Variants in NCKIPSD observed in about 807,000 individuals in gnomAD.
NCKIPSD encodes NCK interacting protein with SH3 domain.
NCKIPSD carries 48 observed loss-of-function variants against 73.4 expected under a neutral mutation model. The observed-to-expected ratio is 0.65, with a 90% CI of 0.52 to 0.83. The LOEUF (loss-of-function observed/expected upper bound fraction) is 0.83, where lower values mean the gene tolerates loss of function less well. Ranked by LOEUF, NCKIPSD falls within the 40% of genes least tolerant of loss-of-function variation. The probability of loss-of-function intolerance (pLI) is 0.00; values close to 1 mark genes in which losing one functional copy is unlikely to be tolerated. For missense variants in NCKIPSD, 884 were observed against 970.2 expected, an observed-to-expected ratio of 0.91 and a Z score of 1.18; for synonymous variants, 422 against 403.6, an observed-to-expected ratio of 1.05 and a Z score of -0.54.
At chr3:48,681,174 A>C in intron 5 of NCKIPSD, 113 bp downstream of exon 5, 1 of 1,439,038 alleles carries the variant, frequency 6.9e-7, no homozygotes. Flanking sequence ...CCAGCACAGT[A>C]AGAGCTCAGA....
Position 48,678,630 on chromosome 3 carries a change from G to C in NCKIPSD, c.1899C>G (p.His633Gln). The C allele has an allele frequency of 6.2e-6, 10 of 1,614,254 alleles. No homozygotes were observed. The highest frequency in any genetic ancestry group is 7.6e-6 in the Non-Finnish European group (9 of 1,180,044). Residue 633 changes from histidine (H) to glutamine (Q), a missense_variant, in exon 12 of 13, where the codon CAC becomes CAG. His to Gln is a conservative substitution (Grantham distance 24). Transcript: ENST00000294129. ...TGTCAATGAGAGCCATCATGTCTGT[G>C]TGGTAGAAGATGGCAGCTGTGGCCG... The part of the protein sequence containing the change: ...GSPATAAIFY[H>Q]TDMMALIDIT...
chr3:48,674,935 G>T (rs928874477), intron 12 of NCKIPSD, among the ~76,000 whole-genome samples, 188 bp from the exon 13 acceptor site: 1 of 152,088 alleles, frequency 6.6e-6, no homozygotes, highest in East Asian at 1.9e-4. Flanking sequence ...GCGAATAAAC[G>T]AATCATCCCA....
chr3:48,681,738 C>T lies in NCKIPSD; in HGVS notation c.641G>A (p.Ser214Asn). 5.9e-6 allele frequency: 9 copies of T among 1,534,354 alleles called. No homozygotes were observed. The highest frequency in any genetic ancestry group is 7.0e-6 in the Non-Finnish European group (8 of 1,141,712). Residue 214 changes from serine (S) to asparagine (N), a missense_variant, in exon 5 of 13, where the codon AGC becomes AAC. By Grantham distance (46) the Ser-to-Asn change is conservative. Transcript: ENST00000294129. ...TMPSGGNSVS[S>N]GSSVSSTSLD... ...GGAGGTGCTGCTGACTGAGGAGCCG[C>T]TGGACACAGAGTTACCCCCGGAGGG...
At chr3:48,675,809 G>GT (rs2077249642) in intron 12 of NCKIPSD, among the ~76,000 whole-genome samples, 1 of 151,844 alleles carries the variant, frequency 6.6e-6, no homozygotes. Flanking sequence ...GCCTCCCAAA[G>GT]TGCTGGGATT....
intron 12 of NCKIPSD, among the ~76,000 whole-genome samples, chr3:48,675,950 G>T (rs917398488): frequency 2.6e-5 from 4 of 152,118 alleles, no homozygotes; most frequent in Admixed American, 6.5e-5. Flanking sequence ...TTTAATTAGA[G>T]AAATAATACC....
At position 48,679,369 on chromosome 3, in the gene NCKIPSD, A is replaced by G. The variant is rs949468904; in HGVS notation, c.1570+8T>C. ...CTGTGATCAGCTGGTCGGTTACTGC[A>G]TTCTTACCATAGTGTGCATAGGGCA... On this transcript the variant is annotated splice_region_variant and intron_variant, in intron 9 of 12. Transcript: ENST00000294129. 2 of 1,614,014 alleles carry G rather than the reference A, an allele frequency of 1.2e-6. No homozygotes were observed. Among genetic ancestry groups the G allele is most frequent in the African/African-American group, 2.7e-5 (2 of 74,908 alleles).
intron 1 of NCKIPSD, among the ~76,000 whole-genome samples, chr3:48,683,663 G>A (rs1411126990): frequency 6.6e-6 from 1 of 152,158 alleles, no homozygotes; most frequent in Non-Finnish European, 1.5e-5. Flanking sequence ...TGAGAGAGGG[G>A]CCTAGCCCCT....
In NCKIPSD at chr3:48,674,435, T is replaced by C. The variant is rs1271097530; in HGVS notation, c.*109A>G. 6.7e-7 allele frequency: 1 copy of C among 1,483,656 alleles called. No individual in the cohort carries two copies. The highest frequency in any genetic ancestry group is 1.4e-5 in the African/African-American group (1 of 71,988). The allele number at this position is 1,483,656 out of a possible 1,614,324, so 91.9% of individuals were successfully genotyped here. A position where few individuals can be genotyped will look rare whatever the true frequency, so the allele number is the denominator to read the frequency against. Reference sequence around the variant, plus strand: ...CAGGTGGGGGTCCTGCTCAGGTTCCTTCTGCCACCTTATCCCCTCCCACTG... The same window carrying C: ...CAGGTGGGGGTCCTGCTCAGGTTCCCTCTGCCACCTTATCCCCTCCCACTG... On this transcript the variant is annotated 3_prime_UTR_variant, in exon 13 of 13. Coordinates refer to ENST00000294129, the MANE Select transcript of NCKIPSD (RefSeq NM_016453.4).
intron 12 of NCKIPSD, among the ~76,000 whole-genome samples, chr3:48,676,199 T>G (rs993037833): frequency 1.3e-5 from 2 of 152,200 alleles, no homozygotes; most frequent in African/African-American, 4.8e-5. Flanking sequence ...TTCTCTGTCT[T>G]TGAAACCTAC....
chr3:48,682,585 T>C, intron 2 of NCKIPSD, 33 bp from the exon 3 acceptor site: 1 of 1,607,648 alleles, frequency 6.2e-7, no homozygotes, highest in Non-Finnish European at 8.5e-7. Flanking sequence ...ATTGGGGGGT[T>C]GCATCTCACA....
At chr3:48,679,287 C>T (rs1014770663) in intron 9 of NCKIPSD, 90 bp downstream of exon 9, 1 of 1,611,648 alleles carries the variant, frequency 6.2e-7, no homozygotes, top group African/African-American at 1.3e-5. Flanking sequence ...CCTCTCCCTG[C>T]TAGGCTGTGT....
chr3:48,675,834 C>T (rs1482106862), intron 12 of NCKIPSD, among the ~76,000 whole-genome samples: 1 of 152,058 alleles, frequency 6.6e-6, no homozygotes, highest in Non-Finnish European at 1.5e-5. Flanking sequence ...GCGTGAACCA[C>T]CACGCCCGGC....
rs745756060 is a variant in NCKIPSD, at chr3:48,679,465, G to T, written c.1490-8C>A. 5.0e-6 allele frequency: 8 copies of T among 1,609,506 alleles called. No homozygotes were observed. The African/African-American group carries it at 9.4e-5, about 19-fold the overall frequency. Reference sequence around the variant, plus strand: ...AACAGAGTTTCTGGTGGTCTGGGGGGGACAAGGCAGGCAGTCAGAGTCCCC... The same window carrying T: ...AACAGAGTTTCTGGTGGTCTGGGGGTGACAAGGCAGGCAGTCAGAGTCCCC... On this transcript the variant is annotated splice_region_variant and splice_polypyrimidine_tract_variant and intron_variant, in intron 8 of 12. Transcript: ENST00000294129.
chr3:48,676,778 C>CCA (rs2077261987), intron 12 of NCKIPSD, among the ~76,000 whole-genome samples: 1 of 151,964 alleles, frequency 6.6e-6, no homozygotes, highest in Admixed American at 6.5e-5. Flanking sequence ...TAGGCGTGAG[C>CCA]CACTGCACCT....
chr3:48,677,037 A>G (rs2077266459), intron 12 of NCKIPSD, among the ~76,000 whole-genome samples: 1 of 149,328 alleles, frequency 6.7e-6, no homozygotes, highest in Admixed American at 6.6e-5. Flanking sequence ...TCAGCCTCCC[A>G]AAGTGCTGGG....
chr3:48,675,281 C>G (rs1434763204), intron 12 of NCKIPSD, among the ~76,000 whole-genome samples: 1 of 151,934 alleles, frequency 6.6e-6, no homozygotes, highest in African/African-American at 2.4e-5. Context: ...CATGTTCTTA[C>G]CTTTAGAAAG....
At chr3:48,685,028 A>G (rs2077412977) in intron 1 of NCKIPSD, among the ~76,000 whole-genome samples, 1 of 151,626 alleles carries the variant, frequency 6.6e-6, no homozygotes, top group African/African-American at 2.4e-5. Flanking sequence ...GAAGTACCAA[A>G]GCTTGGGTGT....
intron 5 of NCKIPSD, 49 bp downstream of exon 5, chr3:48,681,237 TG>T: frequency 6.6e-7 from 1 of 1,518,424 alleles, no homozygotes; most frequent in Non-Finnish European, 8.8e-7. Context: ...TGTGTGACGG[TG>T]GGAACAGGGT....
In NCKIPSD at chr3:48,681,419, C is replaced by T. The variant is rs773695318; in HGVS notation, c.960G>A (p.Val320=). 2 of 1,613,880 alleles carry T rather than the reference C, an allele frequency of 1.2e-6. No individual in the cohort carries two copies. The highest frequency in any genetic ancestry group is 1.1e-5 in the South Asian group (1 of 91,082). Residue 320 remains valine, a synonymous_variant, in exon 5 of 13, where the codon GTG becomes GTA. Coordinates refer to ENST00000294129, the MANE Select transcript of NCKIPSD (RefSeq NM_016453.4). ...RTIGAELMEL[V]RRNTGLSHEL... ...CGTGGCTCAGGCCAGTGTTTCTCCG[C>T]ACCAGCTCCATCAGCTCGGCCCCAA...
Sources: allele counts gnomAD v4.1 joint callset (sites outside exome capture counted in the v4.1 genomes callset), GRCh38; gene constraint gnomAD v4.1.1; transcripts MANE v1.5; gene names NCBI Gene and HGNC (gene_info 2026-07-23, HGNC 2026-07-21).